Variants in RIMOC1 observed in about 807,000 individuals in gnomAD.
RIMOC1 encodes the protein RAB7A-interacting MON1-CCZ1 complex subunit 1.
the RIMOC1 span, among the ~76,000 whole-genome samples, chr5:41,910,123 A>G: frequency 6.6e-6 from 1 of 152,062 alleles, no homozygotes; most frequent in Non-Finnish European, 1.5e-5. Context: ...GCTGTGCCTA[A>G]TCATTTTTTT....
At chr5:41,917,274 A>G in the RIMOC1 span, 1 of 1,610,878 alleles carries the variant, frequency 6.2e-7, no homozygotes, top group South Asian at 1.1e-5. Flanking sequence ...CAAATTTTAA[A>G]CTTCTTTCAT....
the RIMOC1 span, chr5:41,904,477 C>T: frequency 6.2e-7 from 1 of 1,612,380 alleles, no homozygotes; most frequent in African/African-American, 1.3e-5. Context: ...GGTGAGGGAG[C>T]GGAGGAGAGG....
chr5:41,919,887 A>G, the RIMOC1 span: 2 of 151,732 alleles, frequency 1.3e-5, no homozygotes, highest in South Asian at 4.2e-4. Context: ...TTGTTGGTAA[A>G]CTCCATATTT....
chr5:41,908,954 A>G, the RIMOC1 span, among the ~76,000 whole-genome samples: 1 of 152,180 alleles, frequency 6.6e-6, no homozygotes, highest in Non-Finnish European at 1.5e-5. Context: ...AAAGTAAAGC[A>G]CTAACTGGGT....
the RIMOC1 span, chr5:41,918,886 ACT>A: frequency 2.9e-6 from 1 of 349,644 alleles, no homozygotes; most frequent in Non-Finnish European, 4.0e-6. Context: ...ATCAAAGGCG[ACT>A]CTGTGCTACA....
the RIMOC1 span, chr5:41,912,334 A>C: frequency 1.7e-6 from 1 of 578,166 alleles, no homozygotes. Context: ...TAAAATTCAA[A>C]GATAAAATCT....
chr5:41,918,737 C>T, the RIMOC1 span: 7 of 985,374 alleles, frequency 7.1e-6, no homozygotes, highest in African/African-American at 1.0e-4. Context: ...TCATTACTTT[C>T]CTTAGGCCCT....
At chr5:41,907,448 A>C in the RIMOC1 span, among the ~76,000 whole-genome samples, 1 of 152,172 alleles carries the variant, frequency 6.6e-6, no homozygotes, top group African/African-American at 2.4e-5. Context: ...ATCATAAAAG[A>C]AGCATAATGA....
At chr5:41,917,498 T>C in the RIMOC1 span, 1 of 1,257,220 alleles carries the variant, frequency 8.0e-7, no homozygotes, top group South Asian at 3.0e-5. Flanking sequence ...GATGATTCTT[T>C]AATTTCTAAA....
At chr5:41,916,129 A>G in the RIMOC1 span, among the ~76,000 whole-genome samples, 2 of 152,176 alleles carry the variant, frequency 1.3e-5, no homozygotes, top group Non-Finnish European at 2.9e-5. Flanking sequence ...TTTTTTCTTC[A>G]ATGGCTTTAA....
At chr5:41,913,392 C>T in the RIMOC1 span, among the ~76,000 whole-genome samples, 1 of 152,188 alleles carries the variant, frequency 6.6e-6, no homozygotes, top group African/African-American at 2.4e-5. Flanking sequence ...CCACAAGCGT[C>T]TGTGTACTTG....
At chr5:41,905,427 C>T in the RIMOC1 span, among the ~76,000 whole-genome samples, 2 of 152,178 alleles carry the variant, frequency 1.3e-5, no homozygotes, top group African/African-American at 2.4e-5. Context: ...CACACCATCT[C>T]GCCCGGCTAA....
At chr5:41,918,832 T>A in the RIMOC1 span, 1 of 901,876 alleles carries the variant, frequency 1.1e-6, no homozygotes, top group Non-Finnish European at 1.3e-6. Context: ...TTACCAACTT[T>A]ACTCATTTTC....
the RIMOC1 span, among the ~76,000 whole-genome samples, chr5:41,906,785 T>G: frequency 2.4e-4 from 36 of 152,318 alleles, no homozygotes; most frequent in South Asian, 7.5e-3. Context: ...GAACACCTTA[T>G]CTGTGTAACT....
the RIMOC1 span, chr5:41,921,199 G>A: frequency 2.0e-5 from 3 of 152,592 alleles, no homozygotes; most frequent in African/African-American, 4.8e-5. Context: ...TAGCTTTACA[G>A]TCTTGCTGTG....
At chr5:41,904,526 C>A in the RIMOC1 span, 2 of 1,502,076 alleles carry the variant, frequency 1.3e-6, no homozygotes, top group African/African-American at 1.4e-5. Flanking sequence ...TACTGGCGCT[C>A]GATGGCTGTG....
At chr5:41,911,119 T>C in the RIMOC1 span, 2 of 1,610,734 alleles carry the variant, frequency 1.2e-6, no homozygotes, top group African/African-American at 1.3e-5. Context: ...TGTATATGTA[T>C]TGTCATTCTC....
the RIMOC1 span, chr5:41,918,278 A>T: frequency 4.4e-4 from 430 of 985,846 alleles, 3 homozygotes; most frequent in African/African-American, 7.3e-3. Context: ...TCTTTCTGGT[A>T]AAATTTCAGT....
chr5:41,916,437 C>CT, the RIMOC1 span: 4 of 963,422 alleles, frequency 4.2e-6, no homozygotes, highest in Admixed American at 6.2e-5. Flanking sequence ...AGCATACTCT[C>CT]TTTTTTTCTG....
Sources: allele counts gnomAD v4.1 joint callset (sites outside exome capture counted in the v4.1 genomes callset), GRCh38; gene constraint gnomAD v4.1.1; transcripts MANE v1.5; gene names NCBI Gene and HGNC (gene_info 2026-07-23, HGNC 2026-07-21).